BARX2: variants seen among roughly 807,000 people sequenced by gnomAD.
BARX2 encodes the protein BARX homeobox 2, also known as homeobox protein BarH-like 2.
A neutral mutation model predicts 25.5 loss-of-function variants in BARX2; 11 were observed. The observed-to-expected ratio is 0.43, with a 90% CI of 0.27 to 0.71. The LOEUF (loss-of-function observed/expected upper bound fraction) is 0.71, where lower values mean the gene tolerates loss of function less well. Ranked by LOEUF, BARX2 falls within the 30% of genes least tolerant of loss-of-function variation. The pLI, the probability that BARX2 is intolerant of heterozygous loss-of-function variation, is 0.19. For missense variants in BARX2, 360 were observed against 359.9 expected (o/e 1.00, Z 0.00); for synonymous variants, 137 against 149.5 (o/e 0.92, Z 0.61).
At chr11:129,415,894 C>T (rs1283111378) in intron 1 of BARX2, among the ~76,000 whole-genome samples, 1 of 152,238 alleles carries the variant, frequency 6.6e-6, no homozygotes. Context: ...TTTCCTCTGT[C>T]TTCCAAATGA....
rs1479127223 is a variant in BARX2, at chr11:129,451,624, G to A, written c.*222G>A. ...CACCTCCTGAAAGGCTGCTTTAGCT[G>A]TGGATGCCCTTGATTAAGGGAGAGA... On this transcript the variant is annotated 3_prime_UTR_variant, in exon 4 of 4. Coordinates refer to ENST00000281437, the MANE Select transcript of BARX2 (RefSeq NM_003658.5). 1.7e-6 allele frequency: 1 copy of A among 594,466 alleles called. No homozygotes were observed. The allele number at this position is 594,466 out of a possible 1,614,324, so 36.8% of individuals were successfully genotyped here.
Position 129,425,999 on chromosome 11 carries a change from TCCTC to T in BARX2, c.188-10750_188-10747del, listed in dbSNP as rs1276559056. 2.0e-5 allele frequency among the ~76,000 whole-genome samples: 3 copies of T among 149,970 alleles called. No homozygotes were observed. The East Asian group carries it at 5.9e-4, about 29-fold the overall frequency. On this transcript the variant is annotated intron_variant, in intron 1 of 3. Transcript: ENST00000281437. ...TTACATTTAACTCACAAAATGCCCTTCCTCCTTTTTTTTTTTTTTTTAATGAGGT... is the reference window on the plus strand; with the variant it reads ...TTACATTTAACTCACAAAATGCCCTTCTTTTTTTTTTTTTTTTAATGAGGT...
chr11:129,389,381 A>G (rs1224011674), intron 1 of BARX2, among the ~76,000 whole-genome samples: 2 of 152,118 alleles, frequency 1.3e-5, no homozygotes, highest in Admixed American at 6.6e-5. Flanking sequence ...TGCTTTTAAG[A>G]CCCCTTGCAA....
At chr11:129,437,573 A>G (rs1199650799) in intron 2 of BARX2, 1 of 939,714 alleles carries the variant, frequency 1.1e-6, no homozygotes, top group Non-Finnish European at 1.3e-6. Flanking sequence ...ATGTCAAGTC[A>G]GAACCATTTG....
At chr11:129,426,016 T>G (rs1213914178) in intron 1 of BARX2, among the ~76,000 whole-genome samples, 3 of 152,084 alleles carry the variant, frequency 2.0e-5, no homozygotes, top group Non-Finnish European at 4.4e-5. Flanking sequence ...TTTTTTTTTT[T>G]TTTTAATGAG....
chr11:129,411,371 CAAAAAAAAAAA>C (rs34667411), intron 1 of BARX2, among the ~76,000 whole-genome samples: 1 of 53,858 alleles, frequency 1.9e-5, no homozygotes, highest in Admixed American at 2.0e-4. Flanking sequence ...ACTCCATCTC[CAAAAAAAAAAA>C]AAAAAAAAAG....
intron 1 of BARX2, among the ~76,000 whole-genome samples, chr11:129,388,382 G>A (rs906233540): frequency 6.6e-6 from 1 of 152,062 alleles, no homozygotes; most frequent in Non-Finnish European, 1.5e-5. Flanking sequence ...CACTGCCCTG[G>A]GGTCTGTGTC....
intron 1 of BARX2, among the ~76,000 whole-genome samples, chr11:129,427,822 G>A (rs759236180): frequency 2.0e-5 from 3 of 152,156 alleles, no homozygotes; most frequent in East Asian, 1.9e-4. Context: ...CCCTGGAGTG[G>A]GTACATGCCT....
chr11:129,424,551 C>T (rs981889963), intron 1 of BARX2, among the ~76,000 whole-genome samples: 1 of 147,774 alleles, frequency 6.8e-6, no homozygotes, highest in East Asian at 2.8e-4. Flanking sequence ...TCACAGCTCA[C>T]CCTGTCACCA....
Position 129,376,344 on chromosome 11 carries a change from T to A in BARX2, c.187+122T>A. On this transcript the variant is annotated intron_variant, in intron 1 of 3. Transcript: ENST00000281437. The surrounding 1 kb of genome is among the most constrained non-coding windows in gnomAD (Gnocchi z 4.2). ...AGTTAAGGGATTCTTTTCCTGCGCC[T>A]CAGCAAGCGGTGGGCATTGCAAAGG... 1 of 1,047,504 alleles carries A rather than the reference T, an allele frequency of 9.5e-7. No individual in the cohort carries two copies. Among genetic ancestry groups the A allele is most frequent in the Non-Finnish European group, 1.4e-6 (1 of 739,298 alleles). The allele number at this position is 1,047,504 out of a possible 1,614,324, so 64.9% of individuals were successfully genotyped here.
At chr11:129,444,444 A>G (rs1471947819) in intron 3 of BARX2, among the ~76,000 whole-genome samples, 31 of 152,178 alleles carry the variant, frequency 2.0e-4, no homozygotes, top group Admixed American at 2.0e-3. Flanking sequence ...GATGCCAGTT[A>G]TGTGTTCAAA....
chr11:129,395,977 C>T (rs1861716354), intron 1 of BARX2, among the ~76,000 whole-genome samples: 1 of 152,158 alleles, frequency 6.6e-6, no homozygotes, highest in African/African-American at 2.4e-5. Flanking sequence ...ATGTTTCTGT[C>T]TGTTTCTACA....
chr11:129,449,112 G>GAA (rs1001283940), intron 3 of BARX2, among the ~76,000 whole-genome samples: 1 of 152,172 alleles, frequency 6.6e-6, no homozygotes, highest in African/African-American at 2.4e-5. Context: ...AGAAGTGTTG[G>GAA]AAAATTGCAT....
At chr11:129,435,304 A>G (rs1270670062) in intron 1 of BARX2, among the ~76,000 whole-genome samples, 1 of 152,226 alleles carries the variant, frequency 6.6e-6, no homozygotes, top group Non-Finnish European at 1.5e-5. Context: ...ATTTATTGTT[A>G]TTTAACCACT....
chr11:129,423,514 T>C (rs1862030724), intron 1 of BARX2, among the ~76,000 whole-genome samples: 1 of 152,162 alleles, frequency 6.6e-6, no homozygotes, highest in Non-Finnish European at 1.5e-5. Context: ...CCAGTGGCTT[T>C]TTCTAGTAAC....
upstream of BARX2, among the ~76,000 whole-genome samples, chr11:129,375,443 C>G (rs536495832): frequency 6.6e-6 from 1 of 152,258 alleles, no homozygotes; most frequent in African/African-American, 2.4e-5. The surrounding 1 kb of genome is among the most constrained non-coding windows in gnomAD (Gnocchi z 4.0). Context: ...GGAGCCGGGC[C>G]GGCGGGTGGC....
chr11:129,439,533 C>T (rs1256447380), intron 2 of BARX2, among the ~76,000 whole-genome samples: 7 of 152,054 alleles, frequency 4.6e-5, no homozygotes, highest in Admixed American at 3.3e-4. Flanking sequence ...ATCAACATTG[C>T]GGAAGGAAGC....
rs559875772 is a variant in BARX2 at position 129,376,335 on chromosome 11, T to C, written c.187+113T>C. On this transcript the variant is annotated intron_variant, in intron 1 of 3. Coordinates refer to ENST00000281437, the MANE Select transcript of BARX2 (RefSeq NM_003658.5). This position sits in a 1 kb window ranked among gnomAD's most constrained non-coding sequence, Gnocchi z 4.2. ...GAAGGGTTAAGTTAAGGGATTCTTT[T>C]CCTGCGCCTCAGCAAGCGGTGGGCA... 9.1e-7 allele frequency: 1 copy of C among 1,096,266 alleles called. No homozygotes were observed. The highest frequency in any genetic ancestry group is 1.6e-5 in the African/African-American group (1 of 61,124). The allele number at this position is 1,096,266 out of a possible 1,614,324, so 67.9% of individuals were successfully genotyped here.
chr11:129,416,010 G>C (rs1351443956), intron 1 of BARX2, among the ~76,000 whole-genome samples: 3 of 152,190 alleles, frequency 2.0e-5, no homozygotes, highest in African/African-American at 7.2e-5. Context: ...CAATTTCAGA[G>C]ATATGGATTC....
Sources: allele counts gnomAD v4.1 joint callset (sites outside exome capture counted in the v4.1 genomes callset), GRCh38; gene constraint gnomAD v4.1.1; non-coding constraint Gnocchi (gnomAD v3.1); transcripts MANE v1.5; gene names NCBI Gene and HGNC (gene_info 2026-07-23, HGNC 2026-07-21).